PDE7A: variants seen among roughly 807,000 people sequenced by gnomAD.
The protein encoded by PDE7A is phosphodiesterase 7A, also known as high affinity 3',5'-cyclic-AMP phosphodiesterase 7A.
PDE7A carries 39 observed loss-of-function variants against 64.3 expected under a neutral mutation model. That is an observed-to-expected ratio of 0.61 (90% CI 0.47 to 0.79). The LOEUF (loss-of-function observed/expected upper bound fraction) is 0.79, where lower values mean the gene tolerates loss of function less well. Ranked by LOEUF, PDE7A falls within the 30% of genes least tolerant of loss-of-function variation. PDE7A has a pLI of 0.00. For missense variants in PDE7A, 470 were observed against 582.8 expected, an observed-to-expected ratio of 0.81 and a Z score of 1.99; for synonymous variants, 203 against 206.8, an observed-to-expected ratio of 0.98 and a Z score of 0.16.
At chr8:65,830,802 T>G (rs1810798486) in intron 1 of PDE7A, among the ~76,000 whole-genome samples, 1 of 152,098 alleles carries the variant, frequency 6.6e-6, no homozygotes, top group African/African-American at 2.4e-5. Flanking sequence ...AAGCACTTTT[T>G]ATTCCCATCT....
At chr8:65,791,653 T>C (rs1044067012) in intron 1 of PDE7A, among the ~76,000 whole-genome samples, 16 of 152,294 alleles carry the variant, frequency 1.1e-4, no homozygotes, top group African/African-American at 3.8e-4. Flanking sequence ...TAATTTCCAC[T>C]AATGTCTGAC....
At chr8:65,779,671 T>A in intron 3 of PDE7A, 49 bp downstream of exon 3, 1 of 947,304 alleles carries the variant, frequency 1.1e-6, no homozygotes, top group South Asian at 1.5e-5. Context: ...GTAATTTTAT[T>A]AAAATTTGTA....
intron 1 of PDE7A, among the ~76,000 whole-genome samples, chr8:65,795,462 G>A (rs1809814379): frequency 6.6e-6 from 1 of 152,154 alleles, no homozygotes; most frequent in Non-Finnish European, 1.5e-5. Flanking sequence ...ATCTTTGGCT[G>A]AATACTAAGC....
At chr8:65,807,989 A>C (rs1027772119) in intron 1 of PDE7A, among the ~76,000 whole-genome samples, 1 of 152,324 alleles carries the variant, frequency 6.6e-6, no homozygotes, top group African/African-American at 2.4e-5. Flanking sequence ...TCTGGCTGAT[A>C]CAACGAGTGT....
intron 12 of PDE7A, chr8:65,721,843 C>G (rs1806390998): frequency 9.1e-6 from 1 of 110,220 alleles, no homozygotes; most frequent in Non-Finnish European, 1.7e-5. Context: ...GAGTTTCATT[C>G]TGTCACCCAG....
intron 3 of PDE7A, among the ~76,000 whole-genome samples, chr8:65,771,564 G>A (rs903747073): frequency 6.6e-6 from 1 of 152,130 alleles, no homozygotes; most frequent in South Asian, 2.1e-4. Context: ...ATGGATCAAA[G>A]AACAGATAAT....
At chr8:65,774,045 G>T (rs1411203519) in intron 3 of PDE7A, among the ~76,000 whole-genome samples, 4 of 151,990 alleles carry the variant, frequency 2.6e-5, no homozygotes, top group African/African-American at 9.7e-5. Context: ...TTTCCAATGA[G>T]CAATACGTTC....
chr8:65,749,829 T>C (rs1807852895), intron 3 of PDE7A, among the ~76,000 whole-genome samples: 1 of 152,234 alleles, frequency 6.6e-6, no homozygotes, highest in Non-Finnish European at 1.5e-5. Flanking sequence ...ATTTCTACAG[T>C]ATTGTTTATT....
intron 1 of PDE7A, among the ~76,000 whole-genome samples, chr8:65,790,352 T>C (rs1028603660): frequency 3.9e-5 from 6 of 152,100 alleles, no homozygotes; most frequent in Admixed American, 3.9e-4. Flanking sequence ...GGAGGTGGGG[T>C]AGGGGCTGGA....
In PDE7A at chr8:65,812,753, T is replaced by A. The variant is rs182572796; in HGVS notation, c.138+28618A>T. Among the ~76,000 whole-genome samples, 231 of 152,316 alleles carry A rather than the reference T, an allele frequency of 1.5e-3. 1 individual carries two copies. The highest frequency in any genetic ancestry group is 5.2e-3 in the African/African-American group (217 of 41,578). ...TTGAAAAATACAAATGCTATTAACATAAAAACATGCATAGCACCACTTTTA... is the reference window on the plus strand; with the variant it reads ...TTGAAAAATACAAATGCTATTAACAAAAAAACATGCATAGCACCACTTTTA... On this transcript the variant is annotated intron_variant, in intron 1 of 12. Coordinates refer to ENST00000401827, the MANE Select transcript of PDE7A (RefSeq NM_001242318.3).
intron 1 of PDE7A, among the ~76,000 whole-genome samples, chr8:65,801,131 A>T (rs1354858239): frequency 2.6e-5 from 4 of 151,984 alleles, no homozygotes; most frequent in Non-Finnish European, 5.9e-5. Flanking sequence ...ACACAGTGAG[A>T]CCCCCAAAGG....
At chr8:65,815,675 G>T (rs1260629375) in intron 1 of PDE7A, among the ~76,000 whole-genome samples, 2 of 152,026 alleles carry the variant, frequency 1.3e-5, no homozygotes, top group African/African-American at 4.8e-5. Context: ...CTTTTCAAAG[G>T]GTCTTAGAGA....
intron 2 of PDE7A, among the ~76,000 whole-genome samples, chr8:65,780,137 T>TTA (rs144901376): frequency 1.3e-5 from 2 of 151,094 alleles, no homozygotes; most frequent in African/African-American, 4.9e-5. Context: ...TTTTTTTTTT[T>TTA]AAAAAAAGGC....
intron 5 of PDE7A, among the ~76,000 whole-genome samples, chr8:65,743,802 G>A (rs571009241): frequency 1.3e-5 from 2 of 151,244 alleles, no homozygotes; most frequent in Non-Finnish European, 2.9e-5. Flanking sequence ...TCCTCTCAGT[G>A]TACTTTCAGC....
At chr8:65,817,352 T>C (rs1810432504) in intron 1 of PDE7A, among the ~76,000 whole-genome samples, 1 of 152,152 alleles carries the variant, frequency 6.6e-6, no homozygotes, top group Non-Finnish European at 1.5e-5. Context: ...ATATAACACA[T>C]TTACATTAAC....
At chr8:65,815,497 T>A (rs970915556) in intron 1 of PDE7A, among the ~76,000 whole-genome samples, 3 of 152,166 alleles carry the variant, frequency 2.0e-5, no homozygotes, top group Non-Finnish European at 2.9e-5. Context: ...CTCCCAGTCA[T>A]GACACAAAAA....
intron 12 of PDE7A, chr8:65,721,773 CTTCGA>C (rs1806386395): frequency 6.7e-6 from 1 of 148,622 alleles, no homozygotes; most frequent in Admixed American, 6.7e-5. Flanking sequence ...ATTCACCTGT[CTTCGA>C]TTCAATTCTC....
intron 1 of PDE7A, among the ~76,000 whole-genome samples, chr8:65,802,279 A>G (rs76245168): frequency 0.044 from 6,729 of 152,308 alleles, 235 homozygotes; most frequent in African/African-American, 0.1. Flanking sequence ...AACACTGTGA[A>G]TGTACTTAAT....
chr8:65,792,310 G>A (rs943132416), intron 1 of PDE7A, among the ~76,000 whole-genome samples: 1 of 152,122 alleles, frequency 6.6e-6, no homozygotes, highest in Non-Finnish European at 1.5e-5. Context: ...GGGTTTATAA[G>A]GCTAATATCA....
Sources: gnomAD v4.1 joint callset for allele counts (sites outside exome capture counted in the v4.1 genomes callset) on GRCh38, gnomAD v4.1.1 for gene constraint, MANE v1.5 for transcripts, NCBI Gene and HGNC (gene_info 2026-07-23, HGNC 2026-07-21) for gene names.